PIGL: variants seen among roughly 807,000 people sequenced by gnomAD.
The protein encoded by PIGL is phosphatidylinositol glycan anchor biosynthesis class L.
Under a neutral mutation model 31.1 loss-of-function variants are expected in PIGL, and 22 were observed. That is an observed-to-expected ratio of 0.71 (90% CI 0.51 to 1.01). The LOEUF (loss-of-function observed/expected upper bound fraction) is 1.01. Ranked by LOEUF, PIGL falls within the 50% of genes least tolerant of loss-of-function variation. The pLI is 0.00. For missense variants in PIGL, 302 were observed against 315.9 expected (o/e 0.96, Z 0.33); for synonymous variants, 131 against 117.4 (o/e 1.12, Z -0.75).
At chr17:16,217,710 T>C (rs2092597867) in intron 1 of PIGL, 2 of 511,222 alleles carry the variant, frequency 3.9e-6, no homozygotes, top group Non-Finnish European at 7.0e-6. Context: ...CAGTTGGTTG[T>C]ATTCAGTACC....
chr17:16,315,668 T>C (rs2093072233), intron 4 of PIGL, among the ~76,000 whole-genome samples: 1 of 151,190 alleles, frequency 6.6e-6, no homozygotes, highest in Non-Finnish European at 1.5e-5. Flanking sequence ...TCCCAGAAAG[T>C]TTTTTCAGTC....
intron 1 of PIGL, among the ~76,000 whole-genome samples, chr17:16,225,796 G>A (rs1286416769): frequency 4.6e-5 from 7 of 151,920 alleles, no homozygotes; most frequent in Non-Finnish European, 8.8e-5. Context: ...AGGCCATAGA[G>A]GTCATATAAA....
chr17:16,275,485 C>T (rs1280232307), intron 2 of PIGL, among the ~76,000 whole-genome samples: 1 of 152,238 alleles, frequency 6.6e-6, no homozygotes, highest in East Asian at 1.9e-4. Flanking sequence ...TGCTAACCTC[C>T]TGGGAATGCA....
intron 3 of PIGL, among the ~76,000 whole-genome samples, chr17:16,302,625 G>A (rs560721293): frequency 6.6e-6 from 1 of 152,106 alleles, no homozygotes; most frequent in South Asian, 2.1e-4. Flanking sequence ...CTGTGAGACA[G>A]AGTCTCGCTC....
At chr17:16,317,610 A>G in intron 5 of PIGL, 165 bp from the exon 6 acceptor site, 1 of 1,432,614 alleles carries the variant, frequency 7.0e-7, no homozygotes, top group Non-Finnish European at 9.2e-7. Flanking sequence ...TCTAGCTGCA[A>G]GAATCATGGG....
Position 16,306,520 on chromosome 17 carries a change from ATC to A in PIGL, c.426+6544_426+6545del, listed in dbSNP as rs2093026856. ...CAGAACCAGGTGTTTGAGTTATACGATCTTTTTTTTTTTTTTTTTTTTCTTGA... is the reference window on the plus strand; with the variant it reads ...CAGAACCAGGTGTTTGAGTTATACGATTTTTTTTTTTTTTTTTTTTCTTGA... On this transcript the variant is annotated intron_variant, in intron 3 of 6. Coordinates refer to ENST00000225609, the MANE Select transcript of PIGL (RefSeq NM_004278.4). Among the ~76,000 whole-genome samples the A allele has an allele frequency of 4.8e-5, 6 of 124,614 alleles. No individual in the cohort carries two copies. The South Asian group carries it at 1.5e-3, about 32-fold the overall frequency. 81.8% of individuals were successfully genotyped at this position (124,614 alleles called of 152,430 possible).
rs370447492 is a variant in PIGL, at chr17:16,274,905, G to A, written c.336-24983G>A. Among the ~76,000 whole-genome samples, 10 of 151,260 alleles carry A rather than the reference G, an allele frequency of 6.6e-5. No homozygotes were observed. In the East Asian group the frequency reaches 9.8e-4, roughly 15 times the overall value. Reference sequence around the variant, plus strand: ...AAATTAGCCGAGTGTGGTGGCTTGCGCCTGTAATCCTAGCTACTCAGGAGG... The same window carrying A: ...AAATTAGCCGAGTGTGGTGGCTTGCACCTGTAATCCTAGCTACTCAGGAGG... On this transcript the variant is annotated intron_variant, in intron 2 of 6. Transcript: ENST00000225609.
intron 2 of PIGL, among the ~76,000 whole-genome samples, chr17:16,291,260 C>T (rs369787061): frequency 2.0e-5 from 3 of 152,182 alleles, no homozygotes; most frequent in East Asian, 3.9e-4. Context: ...GTAATCCCAG[C>T]ACTTTGGAGG....
chr17:16,301,324 G>A (rs2093003453), intron 3 of PIGL, among the ~76,000 whole-genome samples: 1 of 151,836 alleles, frequency 6.6e-6, no homozygotes, highest in African/African-American at 2.4e-5. Context: ...GAGTGCAGTG[G>A]CGGGATCTCG....
At chr17:16,324,641 G>T (rs1196284362) in intron 6 of PIGL, among the ~76,000 whole-genome samples, 2 of 152,192 alleles carry the variant, frequency 1.3e-5, no homozygotes, top group Non-Finnish European at 2.9e-5. Flanking sequence ...TTACAGGCGT[G>T]AGCCTCCATA....
chr17:16,228,310 G>C (rs571084541), intron 1 of PIGL, among the ~76,000 whole-genome samples: 1 of 151,534 alleles, frequency 6.6e-6, no homozygotes, highest in African/African-American at 2.4e-5. Context: ...CACCTTCCTC[G>C]GCCTCCCAAA....
chr17:16,227,827 A>T (rs951756327), intron 1 of PIGL, among the ~76,000 whole-genome samples: 2 of 151,072 alleles, frequency 1.3e-5, no homozygotes, highest in African/African-American at 2.4e-5. Flanking sequence ...TGATCCACCC[A>T]CCTTGGCCCC....
intron 1 of PIGL, among the ~76,000 whole-genome samples, chr17:16,226,048 G>A (rs1292688667): frequency 1.3e-5 from 2 of 151,660 alleles, no homozygotes; most frequent in Admixed American, 1.3e-4. Context: ...GCAGCTGCAT[G>A]TAGTCTCAGC....
At chr17:16,264,440 A>G (rs2092832950) in intron 2 of PIGL, among the ~76,000 whole-genome samples, 1 of 151,438 alleles carries the variant, frequency 6.6e-6, no homozygotes, top group African/African-American at 2.4e-5. Flanking sequence ...ACCACCACAC[A>G]TGGCCTATAT....
intron 2 of PIGL, among the ~76,000 whole-genome samples, chr17:16,252,734 T>C (rs1299601567): frequency 6.6e-6 from 1 of 152,194 alleles, no homozygotes; most frequent in Non-Finnish European, 1.5e-5. Context: ...TAATATTTTA[T>C]TTGATAAGTT....
At chr17:16,234,248 C>T (rs757766109) in intron 2 of PIGL, 178 bp downstream of exon 2, 1 of 468,784 alleles carries the variant, frequency 2.1e-6, no homozygotes, top group Non-Finnish European at 3.8e-6. Context: ...GGTGGGCGGT[C>T]TCAGGAGTTT....
rs950803108 is a variant in PIGL at position 16,316,898 on chromosome 17, G to A, written c.526+186G>A. 74 of 1,374,394 alleles carry A rather than the reference G, an allele frequency of 5.4e-5. 1 individual carries two copies. The Admixed American group carries it at 1.6e-3, about 30-fold the overall frequency. The allele number at this position is 1,374,394 out of a possible 1,614,324, so 85.1% of individuals were successfully genotyped here. ...AGGTTGTATCTACCAGCAAGTGCCT[G>A]CCTGCAGGGCCACCTCTGGATGAGT... On this transcript the variant is annotated intron_variant, in intron 5 of 6. Transcript: ENST00000225609.
intron 2 of PIGL, among the ~76,000 whole-genome samples, chr17:16,255,369 T>C (rs1358887647): frequency 6.6e-6 from 1 of 152,194 alleles, no homozygotes; most frequent in Non-Finnish European, 1.5e-5. Context: ...ACAATAAAAA[T>C]CTCGTTTCTC....
intron 6 of PIGL, 86 bp downstream of exon 6, chr17:16,317,994 C>G: frequency 8.3e-7 from 1 of 1,207,650 alleles, no homozygotes; most frequent in East Asian, 2.3e-5. Flanking sequence ...TGCAGAAGCC[C>G]TAACTGAAGG....
Sources: gnomAD v4.1 joint callset for allele counts (sites outside exome capture counted in the v4.1 genomes callset) on GRCh38, gnomAD v4.1.1 for gene constraint, MANE v1.5 for transcripts, NCBI Gene and HGNC (gene_info 2026-07-23, HGNC 2026-07-21) for gene names.